The following HPSE2 variants were observed in gnomAD, a reference collection of about 807,000 sequenced individuals.
The protein encoded by HPSE2 is inactive heparanase-2.
Under a neutral mutation model 60.5 loss-of-function variants are expected in HPSE2, and 38 were observed. The ratio of observed to expected loss-of-function variants is 0.63; its 90% CI spans 0.48 to 0.82. HPSE2 has a LOEUF of 0.82. Among genes scored for constraint, HPSE2 ranks in the 40% least tolerant of loss-of-function variants. The pLI is 0.00. For synonymous variants in HPSE2, 295 were observed against 293.2 expected, an observed-to-expected ratio of 1.01 and a Z score of -0.06; for missense variants, 713 against 740.4, an observed-to-expected ratio of 0.96 and a Z score of 0.43.
At chr10:99,290,262 T>A in the HPSE2 span, among the ~76,000 whole-genome samples, 1 of 152,096 alleles carries the variant, frequency 6.6e-6, no homozygotes. Flanking sequence ...AAAGCCAGAG[T>A]GAAAAAGCTT....
At chr10:98,825,902 A>C (rs1392194439) in intron 3 of HPSE2, among the ~76,000 whole-genome samples, 1 of 152,180 alleles carries the variant, frequency 6.6e-6, no homozygotes, top group African/African-American at 2.4e-5. Context: ...ATGAGAGGAG[A>C]AAGATGGACA....
chr10:98,719,701 T>TA (rs562725586), intron 5 of HPSE2, among the ~76,000 whole-genome samples: 27,316 of 107,072 alleles, frequency 0.26, 4,292 homozygotes, highest in African/African-American at 0.45. Context: ...GATGTTGCAT[T>TA]AAAAAAAAAA....
intron 11 of HPSE2, among the ~76,000 whole-genome samples, chr10:98,465,105 C>A (rs940831171): frequency 6.6e-6 from 1 of 152,146 alleles, no homozygotes; most frequent in African/African-American, 2.4e-5. Flanking sequence ...ATTCTTCCTG[C>A]CTATATTTTT....
At chr10:99,053,717 G>GTTTT (rs1488152948) in intron 3 of HPSE2, among the ~76,000 whole-genome samples, 1 of 98,464 alleles carries the variant, frequency 1.0e-5, no homozygotes, top group Non-Finnish European at 2.1e-5. Flanking sequence ...GAGAGTTACA[G>GTTTT]TCTTTTTTTT....
the HPSE2 span, among the ~76,000 whole-genome samples, chr10:99,279,168 G>A: frequency 6.6e-6 from 1 of 152,070 alleles, no homozygotes; most frequent in Non-Finnish European, 1.5e-5. Context: ...TTTGATAGAA[G>A]ACAGAACCTG....
intron 3 of HPSE2, among the ~76,000 whole-genome samples, chr10:99,138,159 A>C (rs935935004): frequency 2.0e-5 from 3 of 152,262 alleles, no homozygotes; most frequent in African/African-American, 7.2e-5. Flanking sequence ...ATCACTGGTC[A>C]TTGGAGAAAT....
At chr10:98,890,664 A>ATTC (rs1208810386) in intron 3 of HPSE2, among the ~76,000 whole-genome samples, 1 of 152,210 alleles carries the variant, frequency 6.6e-6, no homozygotes, top group African/African-American at 2.4e-5. Context: ...AACAAAACAA[A>ATTC]AGACAAAACC....
intron 3 of HPSE2, among the ~76,000 whole-genome samples, chr10:98,899,263 G>A (rs1221473648): frequency 6.6e-6 from 1 of 152,114 alleles, no homozygotes; most frequent in Non-Finnish European, 1.5e-5. Flanking sequence ...TTGACCCATG[G>A]GCTCTAGATA....
chr10:98,800,481 A>G (rs1950880559), intron 3 of HPSE2, among the ~76,000 whole-genome samples: 1 of 147,906 alleles, frequency 6.8e-6, no homozygotes, highest in Non-Finnish European at 1.5e-5. Context: ...TAAAATGTAT[A>G]TTTATACAAT....
intron 9 of HPSE2, among the ~76,000 whole-genome samples, chr10:98,583,417 C>T (rs1274001450): frequency 6.6e-6 from 1 of 152,102 alleles, no homozygotes; most frequent in Non-Finnish European, 1.5e-5. Flanking sequence ...TGTGTTTTGT[C>T]CAATTCTTTG....
intron 2 of HPSE2, among the ~76,000 whole-genome samples, chr10:99,219,089 A>C (rs1471319477): frequency 6.6e-6 from 1 of 152,148 alleles, no homozygotes; most frequent in East Asian, 1.9e-4. Flanking sequence ...CTGCTTATTC[A>C]CTATGGGCCT....
chr10:98,804,022 T>A (rs948769588), intron 3 of HPSE2, among the ~76,000 whole-genome samples: 1 of 151,994 alleles, frequency 6.6e-6, no homozygotes, highest in East Asian at 1.9e-4. Flanking sequence ...TAGTTCTCCT[T>A]GAAGAGGTCC....
chr10:98,496,300 A>G lies in HPSE2; in HGVS notation c.1321-6104T>C, dbSNP rs149915085. ...GGAGAGTAAAAAAACAAAACAAAACAAAAAGGCACCAATCTTTTAAATCCC... is the reference window on the plus strand; with the variant it reads ...GGAGAGTAAAAAAACAAAACAAAACGAAAAGGCACCAATCTTTTAAATCCC... On this transcript the variant is annotated intron_variant, in intron 9 of 11. Transcript: ENST00000370552. Among the ~76,000 whole-genome samples, 679 of 152,350 alleles carry G rather than the reference A, an allele frequency of 4.5e-3. 8 individuals are homozygous for G. Among genetic ancestry groups the G allele is most frequent in the African/African-American group, 0.015 (637 of 41,574 alleles).
At chr10:99,050,349 G>T (rs1352306909) in intron 3 of HPSE2, among the ~76,000 whole-genome samples, 1 of 151,516 alleles carries the variant, frequency 6.6e-6, no homozygotes, top group Non-Finnish European at 1.5e-5. Context: ...GTGTTGGTAA[G>T]AATGTGGAGA....
chr10:98,546,597 C>A (rs1943685261), intron 9 of HPSE2, among the ~76,000 whole-genome samples: 1 of 151,456 alleles, frequency 6.6e-6, no homozygotes, highest in African/African-American at 2.4e-5. Flanking sequence ...AACTGGCTAG[C>A]CATATGTAGA....
chr10:98,758,676 C>CA (rs1949936767), intron 3 of HPSE2, among the ~76,000 whole-genome samples: 1 of 152,074 alleles, frequency 6.6e-6, no homozygotes. Flanking sequence ...ATTAAAATGT[C>CA]AAAAAATAAC....
intron 3 of HPSE2, among the ~76,000 whole-genome samples, chr10:98,919,376 A>AT (rs1954217542): frequency 6.6e-6 from 1 of 152,118 alleles, no homozygotes; most frequent in African/African-American, 2.4e-5. Context: ...AGCTTGGATT[A>AT]TTTTTTCCTT....
chr10:99,293,416 C>T, the HPSE2 span, among the ~76,000 whole-genome samples: 2 of 152,088 alleles, frequency 1.3e-5, no homozygotes, highest in Non-Finnish European at 2.9e-5. Context: ...AAATACTTTG[C>T]CTTTGTCATA....
the HPSE2 span, among the ~76,000 whole-genome samples, chr10:99,278,500 G>T: frequency 6.6e-6 from 1 of 152,202 alleles, no homozygotes; most frequent in East Asian, 1.9e-4. Flanking sequence ...AGGAATGGCT[G>T]TGTCATTCCT....
Sources: allele counts gnomAD v4.1 joint callset (sites outside exome capture counted in the v4.1 genomes callset), GRCh38; gene constraint gnomAD v4.1.1; transcripts MANE v1.5; gene names NCBI Gene and HGNC (gene_info 2026-07-23, HGNC 2026-07-21).